DLGAP2: variants seen among roughly 807,000 people sequenced by gnomAD.
DLGAP2 encodes the protein DLG associated protein 2, also known as disks large-associated protein 2.
In DLGAP2, 26 loss-of-function variants were observed where a neutral mutation model predicts 100.3. That is an observed-to-expected ratio of 0.26 (90% CI 0.19 to 0.36). The LOEUF is 0.36. DLGAP2 is among the 10% of genes least tolerant of loss of function. DLGAP2 has a pLI of 1.00. For synonymous variants in DLGAP2, 886 were observed against 630.1 expected, an observed-to-expected ratio of 1.41 and a Z score of -6.08; for missense variants, 1,858 against 1,453.2, an observed-to-expected ratio of 1.28 and a Z score of -4.53.
In DLGAP2 at chr8:1,360,376, T is replaced by C. The variant is rs192574352; in HGVS notation, c.106+101493T>C. On this transcript the variant is annotated intron_variant, in intron 3 of 14. Transcript: ENST00000637795. ...CCAGCCCAGGGTGCAGCTAGAGGCTTTGCGCTGCGTCTGTCTGAGCCTGTG... is the reference window on the plus strand; with the variant it reads ...CCAGCCCAGGGTGCAGCTAGAGGCTCTGCGCTGCGTCTGTCTGAGCCTGTG... Among the ~76,000 whole-genome samples the C allele has an allele frequency of 7.6e-4, 115 of 152,158 alleles. 2 individuals are homozygous for C. Among genetic ancestry groups the C allele is most frequent in the African/African-American group, 2.6e-3 (110 of 41,510 alleles).
intron 5 of DLGAP2, among the ~76,000 whole-genome samples, chr8:1,562,268 G>C (rs1487275272): frequency 1.2e-4 from 3 of 25,422 alleles, no homozygotes; most frequent in African/African-American, 5.3e-4. Flanking sequence ...GGACTGTGTG[G>C]TGTTGGGTGT....
chr8:1,157,749 A>G (rs1796818297), intron 2 of DLGAP2, among the ~76,000 whole-genome samples: 1 of 152,212 alleles, frequency 6.6e-6, no homozygotes, highest in African/African-American at 2.4e-5. Context: ...CCACCCACCT[A>G]TGCGTGGAGC....
chr8:1,412,344 G>A (rs561069853), intron 3 of DLGAP2, among the ~76,000 whole-genome samples: 24 of 152,160 alleles, frequency 1.6e-4, no homozygotes, highest in Admixed American at 1.2e-3. Flanking sequence ...CCTGTCTCCC[G>A]GGCTCTTTCT....
intron 3 of DLGAP2, among the ~76,000 whole-genome samples, chr8:1,458,008 ATATAT>A (rs1798367696): frequency 9.4e-6 from 1 of 106,732 alleles, no homozygotes; most frequent in African/African-American, 3.3e-5. Flanking sequence ...ATATATATAT[ATATAT>A]AATTTTTTAT....
intron 2 of DLGAP2, among the ~76,000 whole-genome samples, chr8:1,111,977 A>G (rs543651534): frequency 6.6e-6 from 1 of 152,160 alleles, no homozygotes; most frequent in South Asian, 2.1e-4. Context: ...TTGAGGAATC[A>G]CCACACACTG....
intron 6 of DLGAP2, among the ~76,000 whole-genome samples, chr8:1,568,679 A>G (rs551095821): frequency 9.6e-5 from 13 of 134,968 alleles, no homozygotes; most frequent in African/African-American, 3.8e-4. Context: ...AGCAGACACA[A>G]ATCCGTCTCT....
intron 3 of DLGAP2, among the ~76,000 whole-genome samples, chr8:1,321,181 G>A (rs1026396322): frequency 6.6e-5 from 10 of 151,504 alleles, no homozygotes; most frequent in Non-Finnish European, 2.9e-5. Flanking sequence ...GCGTCCATGT[G>A]TCTCTACGTG....
chr8:1,105,967 G>A (rs1443600777), intron 2 of DLGAP2, among the ~76,000 whole-genome samples: 1 of 150,484 alleles, frequency 6.6e-6, no homozygotes, highest in Non-Finnish European at 1.5e-5. Flanking sequence ...ATTCTAGGAG[G>A]GTTTTCTATT....
intron 2 of DLGAP2, among the ~76,000 whole-genome samples, chr8:1,076,698 C>G (rs1401840219): frequency 6.6e-6 from 1 of 152,198 alleles, no homozygotes; most frequent in Non-Finnish European, 1.5e-5. Flanking sequence ...AAGGCCATTC[C>G]CCTTAGTGTG....
rs562716963 is a variant in DLGAP2, at chr8:1,257,458, G to C, written c.74-1393G>C. 1.5e-4 allele frequency among the ~76,000 whole-genome samples: 23 copies of C among 151,492 alleles called. No individual in the cohort carries two copies. In the East Asian group the frequency reaches 4.1e-3, roughly 27 times the overall value. The stretch of plus-strand genomic sequence containing the variant: ...CCACCCCCCCGCCCCATCCTTCTGG[G>C]CAGATGCTGCTGCTGTCCCCTGCCT... On this transcript the variant is annotated intron_variant, in intron 2 of 14. Transcript: ENST00000637795.
intron 2 of DLGAP2, among the ~76,000 whole-genome samples, chr8:1,163,659 G>A (rs1004641642): frequency 6.6e-6 from 1 of 152,182 alleles, no homozygotes; most frequent in African/African-American, 2.4e-5. Context: ...GCCTGGGGAG[G>A]GCCGGGGATC....
intron 2 of DLGAP2, among the ~76,000 whole-genome samples, chr8:1,205,216 G>T (rs1383905238): frequency 6.6e-6 from 1 of 152,172 alleles, no homozygotes; most frequent in Non-Finnish European, 1.5e-5. Flanking sequence ...GTAACTGTAG[G>T]TTAAGAAGTC....
intron 2 of DLGAP2, among the ~76,000 whole-genome samples, chr8:1,075,108 C>A (rs1160185025): frequency 6.6e-6 from 1 of 152,228 alleles, no homozygotes. Flanking sequence ...CAGGTGAGCC[C>A]TCTGGCGATG....
At chr8:1,653,392 G>A (rs964398020) in intron 8 of DLGAP2, among the ~76,000 whole-genome samples, 4 of 152,156 alleles carry the variant, frequency 2.6e-5, no homozygotes, top group Non-Finnish European at 4.4e-5. Context: ...GGCCAGAACC[G>A]AGCCCGGGTA....
intron 2 of DLGAP2, among the ~76,000 whole-genome samples, chr8:996,073 A>G (rs367663592): frequency 6.6e-6 from 1 of 152,186 alleles, no homozygotes; most frequent in Non-Finnish European, 1.5e-5. Flanking sequence ...ATCCAACCAC[A>G]ACACCGTTTA....
At chr8:1,212,744 CCTCTCT>C (rs67758517) in intron 2 of DLGAP2, among the ~76,000 whole-genome samples, 1 of 141,910 alleles carries the variant, frequency 7.0e-6, no homozygotes, top group African/African-American at 2.6e-5. Flanking sequence ...TTTGCCAAGA[CCTCTCT>C]CTCTCTCTCT....
intron 2 of DLGAP2, among the ~76,000 whole-genome samples, chr8:1,127,892 G>A (rs1796203934): frequency 6.6e-6 from 1 of 152,202 alleles, no homozygotes; most frequent in Non-Finnish European, 1.5e-5. Flanking sequence ...AGAGTCTAAA[G>A]ATGCACTTTC....
Position 809,882 on chromosome 8 carries a change from G to A in DLGAP2, c.18+72057G>A, listed in dbSNP as rs115094620. Among the ~76,000 whole-genome samples the A allele has an allele frequency of 3.5e-3, 527 of 152,276 alleles. 4 individuals are homozygous for A. The highest frequency in any genetic ancestry group is 0.012 in the African/African-American group (502 of 41,562). On this transcript the variant is annotated intron_variant, in intron 1 of 14. Coordinates refer to ENST00000637795, the MANE Select transcript of DLGAP2 (RefSeq NM_001346810.2). Reference sequence around the variant, plus strand: ...CATGGGAAGTACCAGTCTGTCGTCCGTCTGGCTCTGACTCGCCCAGAAGCA... The same window carrying A: ...CATGGGAAGTACCAGTCTGTCGTCCATCTGGCTCTGACTCGCCCAGAAGCA...
intron 3 of DLGAP2, among the ~76,000 whole-genome samples, chr8:1,334,630 G>T (rs564360841): frequency 6.6e-6 from 1 of 152,206 alleles, no homozygotes; most frequent in Non-Finnish European, 1.5e-5. Context: ...CGTGGGCCAT[G>T]CATGGACTCC....
Sources: gnomAD v4.1 joint callset for allele counts (sites outside exome capture counted in the v4.1 genomes callset) on GRCh38, gnomAD v4.1.1 for gene constraint, MANE v1.5 for transcripts, NCBI Gene and HGNC (gene_info 2026-07-23, HGNC 2026-07-21) for gene names.